Variants in RC3H2 observed in about 807,000 individuals in gnomAD.
The protein encoded by RC3H2 is roquin-2.
A neutral mutation model predicts 133.3 loss-of-function variants in RC3H2; 31 were observed. The observed-to-expected ratio is 0.23, with a 90% CI of 0.17 to 0.31. The LOEUF is 0.31. Among genes scored for constraint, RC3H2 ranks in the 10% least tolerant of loss-of-function variants. The probability of loss-of-function intolerance (pLI) is 1.00; values close to 1 mark genes in which losing one functional copy is unlikely to be tolerated. For missense variants in RC3H2, 1,175 were observed against 1,437.2 expected (o/e 0.82, Z 2.95); for synonymous variants, 517 against 502.2 (o/e 1.03, Z -0.40).
At chr9:122,901,367 C>CTT (rs1832639978) in intron 1 of RC3H2, among the ~76,000 whole-genome samples, 1 of 152,000 alleles carries the variant, frequency 6.6e-6, no homozygotes, top group Non-Finnish European at 1.5e-5. Flanking sequence ...GGATCTCTAG[C>CTT]TAAAAGACAA....
intron 1 of RC3H2, among the ~76,000 whole-genome samples, chr9:122,900,765 C>T (rs943466235): frequency 6.6e-6 from 1 of 152,100 alleles, no homozygotes; most frequent in Non-Finnish European, 1.5e-5. Context: ...AGGCCTACAA[C>T]TCAAGATACC....
chr9:122,885,514 C>T (rs1831874383), intron 4 of RC3H2, among the ~76,000 whole-genome samples: 1 of 152,172 alleles, frequency 6.6e-6, no homozygotes, highest in East Asian at 1.9e-4. Context: ...GGTAACGTAT[C>T]TAGTTACCAA....
Position 122,892,930 on chromosome 9 carries a change from T to G in RC3H2, c.328A>C (p.Lys110Gln). 6.2e-7 allele frequency: 1 copy of G among 1,613,228 alleles called. No individual in the cohort carries two copies. Among genetic ancestry groups the G allele is most frequent in the South Asian group, 1.1e-5 (1 of 91,054 alleles). The change falls in exon 3 of 21, where the codon AAA becomes CAA. Residue 110 changes from lysine to glutamine, a missense_variant. Physicochemically the swap from Lys to Gln is moderately conservative, Grantham distance 53. Coordinates refer to ENST00000357244, the MANE Select transcript of RC3H2 (RefSeq NM_001100588.3). ...TTACCTTTACCTCCACTTAGTGGTTTTAAGTAGAGTGCCAAATCCTCAACG... is the reference window on the plus strand; with the variant it reads ...TTACCTTTACCTCCACTTAGTGGTTGTAAGTAGAGTGCCAAATCCTCAACG... ...KCVEDLALYL[K>Q]PLSGGKGVAS...
chr9:122,894,883 A>G (rs923007340), intron 2 of RC3H2, among the ~76,000 whole-genome samples: 10 of 152,184 alleles, frequency 6.6e-5, no homozygotes, highest in Admixed American at 1.3e-4. Flanking sequence ...CCATCTCAAC[A>G]ACAACAACAA....
In RC3H2 at chr9:122,851,413, A is replaced by C. The variant is rs747624966; in HGVS notation, c.3141T>G (p.Asp1047Glu). The C allele has an allele frequency of 1.2e-6, 2 of 1,614,126 alleles. No individual in the cohort carries two copies. Among genetic ancestry groups the C allele is most frequent in the Middle Eastern group, 1.6e-4 (1 of 6,062 alleles). ...CCCTATCAGGTTTAGTATCTGTTGC[A>C]TCTTCTGTATAATCACTCTGTAACT... ...NGELQSDYTE[D>E]ATDTKPDRDI... Residue 1047 changes from aspartate to glutamate, a missense_variant, in exon 19 of 21, where the codon GAT becomes GAG. Coordinates refer to ENST00000357244, the MANE Select transcript of RC3H2 (RefSeq NM_001100588.3).
At position 122,897,335 on chromosome 9, in the gene RC3H2, T is replaced by C; in HGVS notation, c.175A>G (p.Thr59Ala). 1 of 1,614,214 alleles carries C rather than the reference T, an allele frequency of 6.2e-7. No homozygotes were observed. The highest frequency in any genetic ancestry group is 1.7e-5 in the Admixed American group (1 of 60,026). ...ACPFDQTAINTDIDVLPVNFA... is the reference protein window; with the variant it reads ...ACPFDQTAINADIDVLPVNFA... The stretch of plus-strand genomic sequence containing the variant: ...TTGACAGGAAGTACATCAATATCTG[T>C]GTTGATGGCAGTCTGGTCAAAAGGA... The change falls in exon 2 of 21, where the codon ACA (threonine) becomes GCA (alanine). Residue 59 changes from threonine (T) to alanine (A), a missense_variant. Physicochemically the swap from Thr to Ala is moderately conservative, Grantham distance 58 (BLOSUM62 0). This residue lies in a region of RC3H2 where 41 missense variants were observed against 88.0 expected (regional missense o/e 0.47). Transcript: ENST00000357244.
intron 9 of RC3H2, chr9:122,875,292 G>A: frequency 1.3e-6 from 2 of 1,550,580 alleles, no homozygotes; most frequent in Non-Finnish European, 1.7e-6. Flanking sequence ...TGCTTGTAGA[G>A]CTCATTATGT....
chr9:122,858,137 G>A (rs1285875731), intron 12 of RC3H2, 44 bp from the exon 13 acceptor site: 3 of 1,554,858 alleles, frequency 1.9e-6, no homozygotes, highest in Non-Finnish European at 2.6e-6. Flanking sequence ...CTAGGGAGTG[G>A]TGAATAAATT....
intron 5 of RC3H2, 40 bp from the exon 6 acceptor site, chr9:122,880,834 C>CT: frequency 1.4e-6 from 2 of 1,448,446 alleles, no homozygotes; most frequent in Non-Finnish European, 1.9e-6. Flanking sequence ...TTGGTCTGTG[C>CT]TTTCTCCCTT....
At chr9:122,882,847 C>T (rs1831711069) in intron 5 of RC3H2, among the ~76,000 whole-genome samples, 1 of 152,276 alleles carries the variant, frequency 6.6e-6, no homozygotes, top group African/African-American at 2.4e-5. Flanking sequence ...TAATGGGTTA[C>T]AAAGTTTACA....
Position 122,886,645 on chromosome 9 carries a change from G to A in RC3H2, c.584-3266C>T, listed in dbSNP as rs572339645. Among the ~76,000 whole-genome samples, 7 of 152,262 alleles carry A rather than the reference G, an allele frequency of 4.6e-5. No homozygotes were observed. The East Asian group carries it at 7.7e-4, about 17-fold the overall frequency. On this transcript the variant is annotated intron_variant, in intron 4 of 20. Coordinates refer to ENST00000357244, the MANE Select transcript of RC3H2 (RefSeq NM_001100588.3). ...TCCGAAGTTACAGTGGGCTATAAGC[G>A]TGCCACTGCACTCCAACCTGAGCAA...
chr9:122,887,378 C>T (rs1831962591), intron 4 of RC3H2, among the ~76,000 whole-genome samples: 1 of 152,002 alleles, frequency 6.6e-6, no homozygotes, highest in Non-Finnish European at 1.5e-5. Flanking sequence ...TTTGTCCTTT[C>T]AACAAAATTG....
rs1564298145 is a variant in RC3H2 at position 122,870,402 on chromosome 9, AAAC to A, written c.1326-4748_1326-4746del. ...AAAACAAACAAACAAACAAACAAACAAACAAACAAACAAAAAAAAAACAACAAA... is the reference window on the plus strand; with the variant it reads ...AAAACAAACAAACAAACAAACAAACAAAACAAACAAAAAAAAAACAACAAA... On this transcript the variant is annotated intron_variant, in intron 9 of 20. Transcript: ENST00000357244. Among the ~76,000 whole-genome samples the A allele has an allele frequency of 1.9e-4, 25 of 131,612 alleles. 1 individual carries two copies. Among genetic ancestry groups the A allele is most frequent in the Admixed American group, 1.5e-3 (19 of 12,366 alleles). The allele number at this position is 131,612 out of a possible 152,430, so 86.3% of individuals were successfully genotyped here.
At position 122,847,347 on chromosome 9, in the gene RC3H2, A is replaced by C. The variant is rs1215848008; in HGVS notation, c.*2280T>G. 1 of 152,128 alleles carries C rather than the reference A, an allele frequency of 6.6e-6. No individual in the cohort carries two copies. Among genetic ancestry groups the C allele is most frequent in the East Asian group, 1.9e-4 (1 of 5,196 alleles). 9.4% of individuals were successfully genotyped at this position (152,128 alleles called of 1,614,324 possible). A position where few individuals can be genotyped will look rare whatever the true frequency, so the allele number is the denominator to read the frequency against. ...GATGTTTTGTGTAGTTCTGTTGCACAGAGGGTTCTTTCCCTGAGGGCACAT... is the reference window on the plus strand; with the variant it reads ...GATGTTTTGTGTAGTTCTGTTGCACCGAGGGTTCTTTCCCTGAGGGCACAT... On this transcript the variant is annotated 3_prime_UTR_variant, in exon 21 of 21. Coordinates refer to ENST00000357244, the MANE Select transcript of RC3H2 (RefSeq NM_001100588.3).
intron 2 of RC3H2, among the ~76,000 whole-genome samples, chr9:122,895,615 T>C (rs577317640): frequency 7.9e-5 from 12 of 152,384 alleles, no homozygotes; most frequent in African/African-American, 2.6e-4. Context: ...CTTGATTTCA[T>C]AGTGTGTAAC....
chr9:122,859,805 A>T, intron 11 of RC3H2, 112 bp downstream of exon 11: 1 of 905,388 alleles, frequency 1.1e-6, no homozygotes, highest in Non-Finnish European at 1.7e-6. Context: ...CTTATGAGTC[A>T]CATAGTCAAA....
In RC3H2 at chr9:122,866,015, G is replaced by A. The variant is rs1830632215; in HGVS notation, c.1326-358C>T. ...ATAACTAGAATATAAGGGATGTTAT[G>A]TAAAAATGACAGGAACTGGCAACAA... On this transcript the variant is annotated intron_variant, in intron 9 of 20. Coordinates refer to ENST00000357244, the MANE Select transcript of RC3H2 (RefSeq NM_001100588.3). Among the ~76,000 whole-genome samples, 4 of 152,226 alleles carry A rather than the reference G, an allele frequency of 2.6e-5. No homozygotes were observed. The South Asian group carries it at 8.3e-4, about 32-fold the overall frequency.
intron 12 of RC3H2, among the ~76,000 whole-genome samples, chr9:122,858,313 G>C (rs1830327790): frequency 6.6e-6 from 1 of 152,174 alleles, no homozygotes. Flanking sequence ...CTTGCTTAGG[G>C]AAGTCATTTG....
At position 122,905,093 on chromosome 9, in the gene RC3H2, G is replaced by C; in HGVS notation, c.-68+17C>G. On this transcript the variant is annotated intron_variant, in intron 1 of 20. Transcript: ENST00000357244. ...CGGGCTGGGGCCCGAGCCGCATCGT[G>C]CCCGCCCCCGCCCTACCTGAGGGGG... 1.0e-6 allele frequency: 1 copy of C among 985,326 alleles called. No homozygotes were observed. The highest frequency in any genetic ancestry group is 1.2e-6 in the Non-Finnish European group (1 of 829,852). The allele number at this position is 985,326 out of a possible 1,614,324, so 61.0% of individuals were successfully genotyped here. A position where few individuals can be genotyped will look rare whatever the true frequency, so the allele number is the denominator to read the frequency against.
Sources: gnomAD v4.1 joint callset for allele counts (sites outside exome capture counted in the v4.1 genomes callset) on GRCh38, gnomAD v4.1.1 for gene constraint, gnomAD v4.1.1 regional missense constraint, MANE v1.5 for transcripts, NCBI Gene and HGNC (gene_info 2026-07-23, HGNC 2026-07-21) for gene names.